AAK1: variants seen among roughly 807,000 people sequenced by gnomAD.
The protein encoded by AAK1 is AP2-associated protein kinase 1.
AAK1 carries 37 observed loss-of-function variants against 116.0 expected under a neutral mutation model. The ratio of observed to expected loss-of-function variants is 0.32; its 90% CI spans 0.25 to 0.42. AAK1 has a LOEUF of 0.42. AAK1 is among the 10% of genes least tolerant of loss of function. The pLI is 1.00. For synonymous variants in AAK1, 458 were observed against 439.9 expected, an observed-to-expected ratio of 1.04 and a Z score of -0.51; for missense variants, 919 against 1,170.6, an observed-to-expected ratio of 0.79 and a Z score of 3.14.
chr2:69,519,321 TA>T (rs912129079), intron 11 of AAK1, 81 bp from the exon 12 acceptor site: 8 of 1,459,756 alleles, frequency 5.5e-6, no homozygotes, highest in African/African-American at 2.8e-5. Context: ...AAACAACTAA[TA>T]GGGGGTGACA....
In AAK1 at chr2:69,472,745, T is replaced by A; in HGVS notation, c.*3124A>T. The A allele has an allele frequency of 1.0e-6, 1 of 985,466 alleles. No individual in the cohort carries two copies. The highest frequency in any genetic ancestry group is 1.2e-6 in the Non-Finnish European group (1 of 829,928). The allele number at this position is 985,466 out of a possible 1,614,324, so 61.0% of individuals were successfully genotyped here. A position where few individuals can be genotyped will look rare whatever the true frequency, so the allele number is the denominator to read the frequency against. ...GCAAATCAGAAACATATGCTTATAG[T>A]ATTTGCCCGTTTTAAACTGGTAGAT... On this transcript the variant is annotated 3_prime_UTR_variant, in exon 22 of 22. Transcript: ENST00000409085.
chr2:69,575,680 C>G (rs1572971886), intron 2 of AAK1, among the ~76,000 whole-genome samples: 2 of 152,220 alleles, frequency 1.3e-5, no homozygotes, highest in South Asian at 4.1e-4. Flanking sequence ...ACTGGCCAGG[C>G]TGGTCTCGAA....
At chr2:69,540,510 C>T (rs988181391) in intron 5 of AAK1, among the ~76,000 whole-genome samples, 3 of 152,218 alleles carry the variant, frequency 2.0e-5, no homozygotes, top group African/African-American at 7.2e-5. Flanking sequence ...GAGGTATATA[C>T]TCATTCTCCT....
chr2:69,527,839 C>A (rs1404460645), intron 8 of AAK1, among the ~76,000 whole-genome samples: 4 of 152,178 alleles, frequency 2.6e-5, no homozygotes, highest in Non-Finnish European at 5.9e-5. Context: ...GATCACTTGT[C>A]TATTTCCAGG....
intron 12 of AAK1, chr2:69,516,922 G>C (rs1676606055): frequency 6.6e-6 from 1 of 152,360 alleles, no homozygotes; most frequent in Non-Finnish European, 1.5e-5. Context: ...GTAGCCTAAG[G>C]AGGGTTGAAC....
In AAK1 at chr2:69,514,419, C is replaced by T. The variant is rs181984167; in HGVS notation, c.1776+52G>A. On this transcript the variant is annotated intron_variant, in intron 13 of 21. Transcript: ENST00000409085. Reference sequence around the variant, plus strand: ...TCTTTCCCACCCTTCCCCTAGCTCTCGCTGCACATTCCTCTGCTGCTTTTG... The same window carrying T: ...TCTTTCCCACCCTTCCCCTAGCTCTTGCTGCACATTCCTCTGCTGCTTTTG... 1.7e-3 allele frequency: 2,434 copies of T among 1,472,366 alleles called. 32 individuals are homozygous for T. Among genetic ancestry groups the T allele is most frequent in the East Asian group, 4.7e-4 (19 of 40,096 alleles). 91.2% of individuals were successfully genotyped at this position (1,472,366 alleles called of 1,614,324 possible).
At chr2:69,626,158 T>G (rs978402915) in intron 2 of AAK1, among the ~76,000 whole-genome samples, 7 of 152,218 alleles carry the variant, frequency 4.6e-5, no homozygotes, top group African/African-American at 1.4e-4. Context: ...ACCCCAGTAC[T>G]GTATTTTCAA....
At chr2:69,508,069 A>G (rs1444705271) in intron 14 of AAK1, among the ~76,000 whole-genome samples, 1 of 152,126 alleles carries the variant, frequency 6.6e-6, no homozygotes, top group Non-Finnish European at 1.5e-5. Flanking sequence ...TACCCATTCC[A>G]CTTTGTGAAA....
In AAK1 at chr2:69,482,827, G is replaced by A. The variant is rs1675146077; in HGVS notation, c.2366-15C>T. On this transcript the variant is annotated splice_polypyrimidine_tract_variant and intron_variant, in intron 17 of 21. Coordinates refer to ENST00000409085, the MANE Select transcript of AAK1 (RefSeq NM_014911.5). ...AATTAGTTTTTCTACGTTGGGCAGA[G>A]AGACAAAAAGAAAGCAAAAATGTAG... The A allele has an allele frequency of 6.4e-7, 1 of 1,554,292 alleles. No individual in the cohort carries two copies. Among genetic ancestry groups the A allele is most frequent in the South Asian group, 1.1e-5 (1 of 89,222 alleles).
intron 2 of AAK1, among the ~76,000 whole-genome samples, chr2:69,601,521 G>A (rs1191932910): frequency 6.6e-6 from 1 of 152,250 alleles, no homozygotes; most frequent in Non-Finnish European, 1.5e-5. Flanking sequence ...CTTATGACCA[G>A]AATAAACTGG....
chr2:69,638,067 C>G (rs1212070027), intron 2 of AAK1, among the ~76,000 whole-genome samples: 1 of 152,184 alleles, frequency 6.6e-6, no homozygotes, highest in Admixed American at 6.5e-5. Context: ...GAAGAAGACA[C>G]CATTCACAAA....
At chr2:69,608,971 A>G (rs1673937094) in intron 2 of AAK1, among the ~76,000 whole-genome samples, 1 of 152,274 alleles carries the variant, frequency 6.6e-6, no homozygotes, top group East Asian at 1.9e-4. Flanking sequence ...AAATTGGAGA[A>G]GACACACATA....
Position 69,461,685 on chromosome 2 carries a change from C to T in AAK1, c.*14184G>A. On this transcript the variant is annotated 3_prime_UTR_variant, in exon 22 of 22. Transcript: ENST00000409085. ...TCTTGGCTCACTGCAAAGTCTGCCT[C>T]CCTGGGTCAAGCAATTCTGCCTCAG... 1 of 429,242 alleles carries T rather than the reference C, an allele frequency of 2.3e-6. No homozygotes were observed. Among genetic ancestry groups the T allele is most frequent in the Non-Finnish European group, 4.7e-6 (1 of 214,244 alleles). 26.6% of individuals were successfully genotyped at this position (429,242 alleles called of 1,614,324 possible).
intron 16 of AAK1, among the ~76,000 whole-genome samples, chr2:69,498,497 C>CG (rs1167764788): frequency 6.6e-6 from 1 of 152,132 alleles, no homozygotes; most frequent in Non-Finnish European, 1.5e-5. Context: ...AGTGGCTGAC[C>CG]GGGCCTCTTT....
rs1054283842 is a variant in AAK1 at position 69,464,659 on chromosome 2, C to G, written c.*11210G>C. 6.6e-6 allele frequency: 1 copy of G among 152,124 alleles called. No homozygotes were observed. Among genetic ancestry groups the G allele is most frequent in the African/African-American group, 2.4e-5 (1 of 41,428 alleles). 9.4% of individuals were successfully genotyped at this position (152,124 alleles called of 1,614,324 possible). A position where few individuals can be genotyped will look rare whatever the true frequency, so the allele number is the denominator to read the frequency against. ...TCCTGTGCACACACACGTATACATG[C>G]ACACACAAACCTGTACACTCACACT... On this transcript the variant is annotated 3_prime_UTR_variant, in exon 22 of 22. Coordinates refer to ENST00000409085, the MANE Select transcript of AAK1 (RefSeq NM_014911.5).
rs143409474 is a variant in AAK1, at chr2:69,468,819, G to T, written c.*7050C>A. The T allele has an allele frequency of 1.0e-4, 101 of 985,386 alleles. 1 individual carries two copies. The African/African-American group carries it at 1.6e-3, about 15-fold the overall frequency. The allele number at this position is 985,386 out of a possible 1,614,324, so 61.0% of individuals were successfully genotyped here. ...ATATTCAGGGTTGGAGAGGATGGAA[G>T]AACATGTCTAACCCATCAAAATTAT... On this transcript the variant is annotated 3_prime_UTR_variant, in exon 22 of 22. Transcript: ENST00000409085.
chr2:69,509,671 T>G (rs1676317504), intron 13 of AAK1, among the ~76,000 whole-genome samples: 2 of 152,202 alleles, frequency 1.3e-5, no homozygotes, highest in African/African-American at 4.8e-5. Flanking sequence ...CAACATGGTA[T>G]TTGCCTGATA....
intron 17 of AAK1, among the ~76,000 whole-genome samples, chr2:69,487,364 G>T: frequency 6.6e-6 from 1 of 152,144 alleles, no homozygotes; most frequent in East Asian, 1.9e-4. Flanking sequence ...GAAACACACC[G>T]AAGCCAAGTA....
At chr2:69,642,045 T>C (rs375094549) in intron 2 of AAK1, among the ~76,000 whole-genome samples, 4 of 152,242 alleles carry the variant, frequency 2.6e-5, no homozygotes, top group East Asian at 3.9e-4. Context: ...AAAAGAGACA[T>C]GCAAAGATTT....
Sources: allele counts gnomAD v4.1 joint callset (sites outside exome capture counted in the v4.1 genomes callset), GRCh38; gene constraint gnomAD v4.1.1; transcripts MANE v1.5; gene names NCBI Gene and HGNC (gene_info 2026-07-23, HGNC 2026-07-21).